ZFHX2: variants seen among roughly 807,000 people sequenced by gnomAD.
ZFHX2 encodes zinc finger homeobox protein 2.
Under a neutral mutation model 164.8 loss-of-function variants are expected in ZFHX2, and 75 were observed. The observed-to-expected ratio is 0.46, with a 90% CI of 0.38 to 0.55. ZFHX2 has a LOEUF of 0.55. Among genes scored for constraint, ZFHX2 ranks in the 20% least tolerant of loss-of-function variants. The probability of loss-of-function intolerance (pLI) is 0.00; values close to 1 mark genes in which losing one functional copy is unlikely to be tolerated. For missense variants in ZFHX2, 2,933 were observed against 3,308.0 expected, an observed-to-expected ratio of 0.89 and a Z score of 2.78; for synonymous variants, 1,217 against 1,351.4, an observed-to-expected ratio of 0.90 and a Z score of 2.18.
At chr14:23,554,877 T>C (rs1882233751), upstream of ZFHX2, among the ~76,000 whole-genome samples, 1 of 152,142 alleles carries the variant, frequency 6.6e-6, no homozygotes, top group Non-Finnish European at 1.5e-5. Context: ...GTCAGACATA[T>C]AGTTAGAGTC....
Position 23,525,826 on chromosome 14 carries a change from G to C in ZFHX2, c.4116C>G (p.Leu1372=). Residue 1372 remains leucine, a synonymous_variant, in exon 9 of 10, where the codon CTC becomes CTG. Transcript: ENST00000419474. This position sits in a 1 kb window ranked among gnomAD's most constrained non-coding sequence, Gnocchi z 5.9. ...CTAGTGTCAGCTTGGGCCCCACCTT[G>C]AGATCGTGGAGGTAGAAGGGCAGGA... ...QLLLPFYLHD[L]KVGPKLTLAG... is the part of the protein sequence containing the mutation. The C allele has an allele frequency of 5.5e-6, 8 of 1,458,508 alleles. No homozygotes were observed. Among genetic ancestry groups the C allele is most frequent in the Non-Finnish European group, 7.2e-6 (8 of 1,111,150 alleles). The allele number at this position is 1,458,508 out of a possible 1,614,324, so 90.3% of individuals were successfully genotyped here. A position where few individuals can be genotyped will look rare whatever the true frequency, so the allele number is the denominator to read the frequency against.
rs1236817715 is a variant in ZFHX2 at position 23,524,461 on chromosome 14, A to T, written c.5481T>A (p.Gly1827=). The T allele has an allele frequency of 3.9e-6, 6 of 1,534,976 alleles. No individual in the cohort carries two copies. The highest frequency in any genetic ancestry group is 5.2e-6 in the Non-Finnish European group (6 of 1,146,218). The change falls in exon 9 of 10, where the codon GGT becomes GGA. Residue 1827 remains glycine, a synonymous_variant. Transcript: ENST00000419474. The surrounding 1 kb of genome is among the most constrained non-coding windows in gnomAD (Gnocchi z 5.6). ...PLVAATSPMP[G]PPLKRKHEDG... is the part of the protein sequence containing the mutation. ...CCTCATGCTTCCGTTTGAGAGGTGG[A>T]CCTGGCATTGGTGAGGTGGCTGCCA...
chr14:23,526,779 T>C (rs1878769698), intron 8 of ZFHX2, 68 bp downstream of exon 8: 1 of 1,527,548 alleles, frequency 6.5e-7, no homozygotes, highest in Non-Finnish European at 8.8e-7. Context: ...TCAGTCATCT[T>C]CAGACCTTGT....
chr14:23,523,102 C>A lies in ZFHX2; in HGVS notation c.6739+101G>T. On this transcript the variant is annotated intron_variant, in intron 9 of 9. Coordinates refer to ENST00000419474, the MANE Select transcript of ZFHX2 (RefSeq NM_033400.3). This position sits in a 1 kb window ranked among gnomAD's most constrained non-coding sequence, Gnocchi z 4.1. ...AAGAGCCTGATGCAAAGGAAGGCCA[C>A]AGGAGATTGGGCATGGGAAGAATCA... is the stretch of plus-strand genomic sequence containing the variant. 1 of 1,405,118 alleles carries A rather than the reference C, an allele frequency of 7.1e-7. No homozygotes were observed. The highest frequency in any genetic ancestry group is 9.2e-7 in the Non-Finnish European group (1 of 1,084,970). The allele number at this position is 1,405,118 out of a possible 1,614,324, so 87.0% of individuals were successfully genotyped here. A position where few individuals can be genotyped will look rare whatever the true frequency, so the allele number is the denominator to read the frequency against.
chr14:23,534,061 G>C lies in ZFHX2; in HGVS notation c.1265C>G (p.Ala422Gly), dbSNP rs1486144713. Residue 422 changes from alanine (A) to glycine (G), a missense_variant, in exon 2 of 10, where the codon GCT (alanine) becomes GGT (glycine). Ala to Gly is a moderately conservative substitution (Grantham distance 60). Coordinates refer to ENST00000419474, the MANE Select transcript of ZFHX2 (RefSeq NM_033400.3). The surrounding 1 kb of genome is among the most constrained non-coding windows in gnomAD (Gnocchi z 4.5). ...TGCAGGGGCTGGGGTGTAGTCATCAGCTAGGCGATAGGGCTGGGGTGGGTC... is the reference window on the plus strand; with the variant it reads ...TGCAGGGGCTGGGGTGTAGTCATCACCTAGGCGATAGGGCTGGGGTGGGTC... ...PSDPPQPYRL[A>G]DDYTPAPAAF... is the part of the protein sequence containing the mutation. 3.3e-6 allele frequency: 5 copies of C among 1,528,954 alleles called. No homozygotes were observed. The Admixed American group carries it at 9.9e-5, about 30-fold the overall frequency. 94.7% of individuals were successfully genotyped at this position (1,528,954 alleles called of 1,614,324 possible). A position where few individuals can be genotyped will look rare whatever the true frequency, so the allele number is the denominator to read the frequency against.
At chr14:23,554,247 A>G (rs144168214), upstream of ZFHX2, among the ~76,000 whole-genome samples, 10 of 152,258 alleles carry the variant, frequency 6.6e-5, no homozygotes, top group East Asian at 1.9e-3. Flanking sequence ...CCAGGTTAAC[A>G]AAACCGGAAA....
At position 23,525,917 on chromosome 14, in the gene ZFHX2, G is replaced by T; in HGVS notation, c.4025C>A (p.Pro1342Gln). The T allele has an allele frequency of 2.0e-6, 3 of 1,473,066 alleles. No individual in the cohort carries two copies. Among genetic ancestry groups the T allele is most frequent in the Non-Finnish European group, 2.7e-6 (3 of 1,115,634 alleles). 91.2% of individuals were successfully genotyped at this position (1,473,066 alleles called of 1,614,324 possible). ...CAGAGGGAAGGGGGGCAGGACTGGTGGGGTGAAGAGAGGGGCTGGGAATCG... is the reference window on the plus strand; with the variant it reads ...CAGAGGGAAGGGGGGCAGGACTGGTTGGGTGAAGAGAGGGGCTGGGAATCG... ...LHRFPAPLFT[P>Q]PVLPPFPLVP... The change falls in exon 9 of 10, where the codon CCA (proline) becomes CAA (glutamine). Residue 1342 changes from proline (P) to glutamine (Q), a missense_variant. Transcript: ENST00000419474. The surrounding 1 kb of genome is among the most constrained non-coding windows in gnomAD (Gnocchi z 5.9).
At chr14:23,541,957 A>G (rs1359237783) in intron 1 of ZFHX2, among the ~76,000 whole-genome samples, 1 of 152,164 alleles carries the variant, frequency 6.6e-6, no homozygotes, top group Non-Finnish European at 1.5e-5. Flanking sequence ...CTTTGTGCAA[A>G]TAAGTTTTGT....
chr14:23,531,467 C>CT lies in ZFHX2; in HGVS notation c.2800+13_2800+14insA. ...CCCTGCCCAGCTCTTATTCTCCAGT[C>CT]CCTTCTTCCTCACCGGGAGTCCGGA... On this transcript the variant is annotated intron_variant, in intron 4 of 9. Transcript: ENST00000419474. 1.4e-6 allele frequency: 2 copies of CT among 1,400,252 alleles called. No homozygotes were observed. The highest frequency in any genetic ancestry group is 2.9e-5 in the African/African-American group (2 of 69,164). 86.7% of individuals were successfully genotyped at this position (1,400,252 alleles called of 1,614,324 possible). A position where few individuals can be genotyped will look rare whatever the true frequency, so the allele number is the denominator to read the frequency against.
chr14:23,544,982 C>T (rs1881235767), intron 1 of ZFHX2, among the ~76,000 whole-genome samples: 1 of 152,080 alleles, frequency 6.6e-6, no homozygotes, highest in African/African-American at 2.4e-5. Flanking sequence ...TGTCTCCCTT[C>T]CCGCTTCTCT....
chr14:23,533,689 T>A lies in ZFHX2; in HGVS notation c.1637A>T (p.Gln546Leu), dbSNP rs1273759465. The A allele has an allele frequency of 1.9e-6, 3 of 1,539,064 alleles. No individual in the cohort carries two copies. The highest frequency in any genetic ancestry group is 2.6e-6 in the Non-Finnish European group (3 of 1,148,384). ...LQGFQAGPGG[Q>L]GSPPEASLPP... is the part of the protein sequence containing the mutation. The stretch of plus-strand genomic sequence containing the variant: ...GAGTGATGCCTCTGGTGGACTTCCC[T>A]GCCCACCAGGGCCCGCCTGGAAGCC... The change falls in exon 2 of 10, where the codon CAG becomes CTG. Residue 546 changes from glutamine to leucine, a missense_variant. By Grantham distance (113) the Gln-to-Leu change is moderately radical (BLOSUM62 -2). Coordinates refer to ENST00000419474, the MANE Select transcript of ZFHX2 (RefSeq NM_033400.3). The surrounding 1 kb of genome is among the most constrained non-coding windows in gnomAD (Gnocchi z 4.8).
In ZFHX2 at chr14:23,522,319, G is replaced by A. The variant is rs1027101842; in HGVS notation, c.7362C>T (p.Arg2454=). ...TVDVTHRYLC[R]QCKMAFDGEA... ...CCCCGTCAAATGCCATCTTGCACTG[G>A]CGGCACAGGTAGCGATGGGTTACAT... The change falls in exon 10 of 10, where the codon CGC becomes CGT. Residue 2454 remains arginine (R), a synonymous_variant. Transcript: ENST00000419474. The A allele has an allele frequency of 1.3e-6, 2 of 1,527,796 alleles. No homozygotes were observed. The highest frequency in any genetic ancestry group is 2.0e-5 in the Admixed American group (1 of 50,296). The allele number at this position is 1,527,796 out of a possible 1,614,324, so 94.6% of individuals were successfully genotyped here. A position where few individuals can be genotyped will look rare whatever the true frequency, so the allele number is the denominator to read the frequency against.
Position 23,523,493 on chromosome 14 carries a change from TA to T in ZFHX2, c.6448del (p.Tyr2150IlefsTer33). 4 of 1,536,272 alleles carry T rather than the reference TA, an allele frequency of 2.6e-6. No individual in the cohort carries two copies. The highest frequency in any genetic ancestry group is 3.5e-6 in the Non-Finnish European group (4 of 1,146,906). ...LLAAQRTDCP[Y>X]CDVKYDFYVS... ...ATAGAAATCATACTTGACATCACAA[TA>T]GGGGCAGTCAGTGCGCTGGGCTGCT... On this transcript the variant is annotated frameshift_variant, in exon 9 of 10. Coordinates refer to ENST00000419474, the MANE Select transcript of ZFHX2 (RefSeq NM_033400.3). LOFTEE classifies it high-confidence loss of function. This position sits in a 1 kb window ranked among gnomAD's most constrained non-coding sequence, Gnocchi z 4.1.
rs1286500805 is a variant in ZFHX2 at position 23,525,763 on chromosome 14, G to A, written c.4179C>T (p.Thr1393=). ...TGGGAGGTTGGGGTGGAGGAGGAGG[G>A]GTGGCAGCTGGCAGGGACAGCACAG... ...PAPVLSLPAA[T]PPPPPQPPKA... Residue 1393 remains threonine, a synonymous_variant, in exon 9 of 10, where the codon ACC becomes ACT. Transcript: ENST00000419474. The surrounding 1 kb of genome is among the most constrained non-coding windows in gnomAD (Gnocchi z 5.9). 1 of 1,504,866 alleles carries A rather than the reference G, an allele frequency of 6.6e-7. No individual in the cohort carries two copies. The highest frequency in any genetic ancestry group is 8.8e-7 in the Non-Finnish European group (1 of 1,130,760). 93.2% of individuals were successfully genotyped at this position (1,504,866 alleles called of 1,614,324 possible).
Position 23,526,867 on chromosome 14 carries a change from G to T in ZFHX2, c.3242C>A (p.Pro1081Gln). ...CTTACCTGCTGCCTGGTCTCTGCTC[G>T]GTGTAGGCTCTGGCCCATGAGTGGG... ...EPPTHGPEPT[P>Q]SRDQAAEGPN... The change falls in exon 8 of 10, where the codon CCG becomes CAG. Residue 1081 changes from proline (P) to glutamine (Q), a missense_variant. Coordinates refer to ENST00000419474, the MANE Select transcript of ZFHX2 (RefSeq NM_033400.3). The T allele has an allele frequency of 1.3e-6, 2 of 1,532,608 alleles. No homozygotes were observed. Among genetic ancestry groups the T allele is most frequent in the Non-Finnish European group, 1.7e-6 (2 of 1,145,318 alleles). The allele number at this position is 1,532,608 out of a possible 1,614,324, so 94.9% of individuals were successfully genotyped here. A position where few individuals can be genotyped will look rare whatever the true frequency, so the allele number is the denominator to read the frequency against.
rs1282207767 is a variant in ZFHX2 at position 23,524,820 on chromosome 14, C to T, written c.5122G>A (p.Gly1708Arg). 1 of 1,537,050 alleles carries T rather than the reference C, an allele frequency of 6.5e-7. No individual in the cohort carries two copies. The highest frequency in any genetic ancestry group is 8.7e-7 in the Non-Finnish European group (1 of 1,147,152). The change falls in exon 9 of 10, where the codon GGG (glycine) becomes AGG (arginine). Residue 1708 changes from glycine to arginine, a missense_variant. By Grantham distance (125) the Gly-to-Arg change is moderately radical. Coordinates refer to ENST00000419474, the MANE Select transcript of ZFHX2 (RefSeq NM_033400.3). This position sits in a 1 kb window ranked among gnomAD's most constrained non-coding sequence, Gnocchi z 5.6. Reference sequence around the variant, plus strand: ...TCTTCCACCTCTTCCTCCTCTTCCCCTCTCTCTGCCTCTTCCTCCTCCTCT... The same window carrying T: ...TCTTCCACCTCTTCCTCCTCTTCCCTTCTCTCTGCCTCTTCCTCCTCCTCT... The part of the protein sequence containing the change: ...LEEEEEEAER[G>R]EEEEEVEEEE...
At position 23,545,633 on chromosome 14, in the gene ZFHX2, A is replaced by T. The variant is rs149343686; in HGVS notation, c.-50+5710T>A. On this transcript the variant is annotated intron_variant, in intron 1 of 9. Coordinates refer to ENST00000419474, the MANE Select transcript of ZFHX2 (RefSeq NM_033400.3). ...TTCTTTCCCTAAAGCAGCAGGATTTATCTGTAGGTTTGTGGAAACCACATA... is the reference window on the plus strand; with the variant it reads ...TTCTTTCCCTAAAGCAGCAGGATTTTTCTGTAGGTTTGTGGAAACCACATA... Among the ~76,000 whole-genome samples, 45 of 152,342 alleles carry T rather than the reference A, an allele frequency of 3.0e-4. No individual in the cohort carries two copies. In the East Asian group the frequency reaches 7.1e-3, roughly 24 times the overall value.
chr14:23,552,538 GC>G (rs1199661829), upstream of ZFHX2, among the ~76,000 whole-genome samples: 3 of 151,774 alleles, frequency 2.0e-5, no homozygotes, highest in Non-Finnish European at 4.4e-5. Context: ...TGATCCGCCT[GC>G]CTCGGCCTCC....
chr14:23,531,260 A>G, intron 4 of ZFHX2: 1 of 537,926 alleles, frequency 1.9e-6, no homozygotes. Flanking sequence ...TCATCCACCC[A>G]GCAAAGCCCC....
Sources: gnomAD v4.1 joint callset for allele counts (sites outside exome capture counted in the v4.1 genomes callset) on GRCh38, gnomAD v4.1.1 for gene constraint, Gnocchi (gnomAD v3.1) non-coding constraint, MANE v1.5 for transcripts, NCBI Gene and HGNC (gene_info 2026-07-23, HGNC 2026-07-21) for gene names.